The following ZFHX3 variants were observed in gnomAD, a reference collection of about 807,000 sequenced individuals.
ZFHX3 encodes zinc finger homeobox protein 3.
Under a neutral mutation model 279.1 loss-of-function variants are expected in ZFHX3, and 42 were observed. The ratio of observed to expected loss-of-function variants is 0.15; its 90% CI spans 0.12 to 0.19. The LOEUF (loss-of-function observed/expected upper bound fraction) is 0.19. Among genes scored for constraint, ZFHX3 ranks in the 10% least tolerant of loss-of-function variants. The pLI, the probability that ZFHX3 is intolerant of heterozygous loss-of-function variation, is 1.00. For synonymous variants in ZFHX3, 2,293 were observed against 1,957.8 expected (o/e 1.17, Z -4.52); for missense variants, 4,981 against 4,754.0 (o/e 1.05, Z -1.40).
chr16:73,160,007 C>A (rs767375580), intron 5 of ZFHX3, among the ~76,000 whole-genome samples: 1 of 152,156 alleles, frequency 6.6e-6, no homozygotes, highest in South Asian at 2.1e-4. Flanking sequence ...AAGTGGTCCG[C>A]CTGTCTTGGC....
chr16:73,441,598 C>T (rs757493817), intron 3 of ZFHX3, among the ~76,000 whole-genome samples: 22 of 152,056 alleles, frequency 1.4e-4, no homozygotes, highest in Non-Finnish European at 2.5e-4. Flanking sequence ...GGGGTAACGA[C>T]GCATACCAAT....
intron 3 of ZFHX3, among the ~76,000 whole-genome samples, chr16:72,907,849 A>C (rs1309554045): frequency 6.6e-6 from 1 of 151,562 alleles, no homozygotes; most frequent in Admixed American, 6.6e-5. Context: ...ATGCCCAGCT[A>C]ATTTTTGTAT....
At chr16:72,979,590 T>C (rs549727288) in intron 1 of ZFHX3, among the ~76,000 whole-genome samples, 1 of 152,300 alleles carries the variant, frequency 6.6e-6, no homozygotes, top group African/African-American at 2.4e-5. Context: ...GAGTACCTAA[T>C]CTGTGCCTCA....
chr16:73,729,325 G>A (rs559801629), intron 1 of ZFHX3, among the ~76,000 whole-genome samples: 133 of 152,284 alleles, frequency 8.7e-4, no homozygotes, highest in African/African-American at 2.9e-3. Flanking sequence ...TAAGGAGTTC[G>A]AGACCAGCCT....
At chr16:73,353,270 C>T (rs999560066) in intron 3 of ZFHX3, among the ~76,000 whole-genome samples, 17 of 152,162 alleles carry the variant, frequency 1.1e-4, no homozygotes, top group Non-Finnish European at 1.2e-4. Flanking sequence ...GGGCTCATTT[C>T]GCCAAAGCTG....
chr16:72,909,936 A>G (rs1007644892), intron 3 of ZFHX3, among the ~76,000 whole-genome samples: 5 of 152,128 alleles, frequency 3.3e-5, no homozygotes, highest in Middle Eastern at 3.2e-3. Context: ...ATATGCAAAT[A>G]AGCTGTTTCA....
rs2037434584 is a variant in ZFHX3 at position 72,844,736 on chromosome 16, TA to T, written c.3449-14878del. On this transcript the variant is annotated intron_variant, in intron 4 of 9. Coordinates refer to ENST00000268489, the MANE Select transcript of ZFHX3 (RefSeq NM_006885.4). ...GTGGCTGGTTGTGCGGTTTTTGGTT[TA>T]GTTTTATGCAAATGACTCTGGTTCC... Among the ~76,000 whole-genome samples, 5 of 152,258 alleles carry T rather than the reference TA, an allele frequency of 3.3e-5. No individual in the cohort carries two copies. In the South Asian group the frequency reaches 1.0e-3, roughly 32 times the overall value.
intron 7 of ZFHX3, chr16:73,126,547 G>A (rs866748179): frequency 1.3e-5 from 2 of 152,196 alleles, no homozygotes. Context: ...TAGGGTACAC[G>A]TTGGAAAAAA....
intron 1 of ZFHX3, chr16:73,015,825 G>A (rs893284682): frequency 8.5e-5 from 13 of 152,160 alleles, no homozygotes; most frequent in African/African-American, 2.4e-5. Context: ...CACCTGAGAG[G>A]TGTGAGCCAG....
At chr16:72,967,852 C>T (rs572992578) in intron 1 of ZFHX3, among the ~76,000 whole-genome samples, 28 of 150,726 alleles carry the variant, frequency 1.9e-4, no homozygotes, top group Admixed American at 4.0e-4. Flanking sequence ...GGCGTGAACC[C>T]GGGAGACACA....
chr16:73,587,124 T>C (rs13337260), intron 2 of ZFHX3, among the ~76,000 whole-genome samples: 5,253 of 152,250 alleles, frequency 0.035, 302 homozygotes, highest in African/African-American at 0.12. Context: ...TTCGAAGAAC[T>C]GGCTCTCAAA....
chr16:72,790,652 G>A (rs2035659084), intron 9 of ZFHX3: 1 of 152,248 alleles, frequency 6.6e-6, no homozygotes. Context: ...AGTGTCCTCA[G>A]TGCACATAAG....
chr16:73,878,940 G>GATATATATATATATATAT (rs3082335), intron 1 of ZFHX3, among the ~76,000 whole-genome samples: 23 of 141,038 alleles, frequency 1.6e-4, no homozygotes, highest in African/African-American at 5.9e-4. Flanking sequence ...AAAAAGATAA[G>GATATATATATATATATAT]ATATATATAT....
intron 4 of ZFHX3, among the ~76,000 whole-genome samples, chr16:73,298,733 G>A (rs1190196330): frequency 6.6e-6 from 1 of 152,134 alleles, no homozygotes; most frequent in Non-Finnish European, 1.5e-5. Flanking sequence ...AGACAGGCAT[G>A]GGGGCAGGGA....
chr16:73,244,920 G>C (rs992262627), intron 5 of ZFHX3, among the ~76,000 whole-genome samples: 2 of 152,154 alleles, frequency 1.3e-5, no homozygotes, highest in South Asian at 2.1e-4. Flanking sequence ...ACTCCCCAGA[G>C]TACCTGGGGG....
chr16:73,292,398 C>G (rs145652067), intron 4 of ZFHX3, among the ~76,000 whole-genome samples: 1 of 152,190 alleles, frequency 6.6e-6, no homozygotes, highest in Non-Finnish European at 1.5e-5. Flanking sequence ...TGGCCCATGG[C>G]AGCATTCTGT....
chr16:73,138,584 C>T (rs912651226), intron 6 of ZFHX3, among the ~76,000 whole-genome samples: 3 of 152,154 alleles, frequency 2.0e-5, no homozygotes, highest in Admixed American at 6.5e-5. Context: ...TCTTACCCTC[C>T]ACTCCCCATG....
intron 4 of ZFHX3, among the ~76,000 whole-genome samples, chr16:72,881,928 G>A (rs764298738): frequency 1.6e-4 from 24 of 152,262 alleles, no homozygotes; most frequent in African/African-American, 2.4e-4. Context: ...TACACCTTTC[G>A]AAGGTGACTT....
intron 3 of ZFHX3, among the ~76,000 whole-genome samples, chr16:73,428,082 C>G (rs140776194): frequency 2.0e-5 from 3 of 152,084 alleles, no homozygotes; most frequent in Non-Finnish European, 4.4e-5. Flanking sequence ...TCTACTAAGC[C>G]GGGTCCCTTT....
Sources: allele counts gnomAD v4.1 joint callset (sites outside exome capture counted in the v4.1 genomes callset), GRCh38; gene constraint gnomAD v4.1.1; transcripts MANE v1.5; gene names NCBI Gene and HGNC (gene_info 2026-07-23, HGNC 2026-07-21).